DENND2A: variants seen among roughly 807,000 people sequenced by gnomAD.
The protein encoded by DENND2A is DENN domain containing 2A, also known as DENN domain-containing protein 2A.
Under a neutral mutation model 105.3 loss-of-function variants are expected in DENND2A, and 53 were observed. The ratio of observed to expected loss-of-function variants is 0.50; its 90% confidence interval spans 0.40 to 0.63. The LOEUF (loss-of-function observed/expected upper bound fraction) is 0.63, where lower values mean the gene tolerates loss of function less well. DENND2A is among the 30% of genes least tolerant of loss of function. The pLI, the probability that DENND2A is intolerant of heterozygous loss-of-function variation, is 0.00. For synonymous variants in DENND2A, 522 were observed against 508.4 expected, an observed-to-expected ratio of 1.03 and a Z score of -0.36; for missense variants, 1,138 against 1,279.6, an observed-to-expected ratio of 0.89 and a Z score of 1.69.
At position 140,632,125 on chromosome 7, in the gene DENND2A, T is replaced by C. The variant is rs552150629; in HGVS notation, c.-248+8379A>G. On this transcript the variant is annotated intron_variant, in intron 1 of 19. Transcript: ENST00000496613. ...CTTGGTCATCTGGGGAGGTTTAGCC[T>C]ATATTTACCAGGCACATGAAATGCC... is the stretch of plus-strand genomic sequence containing the variant. 4.6e-5 allele frequency among the ~76,000 whole-genome samples: 7 copies of C among 152,292 alleles called. No individual in the cohort carries two copies. The East Asian group carries it at 1.3e-3, about 29-fold the overall frequency.
intron 3 of DENND2A, among the ~76,000 whole-genome samples, chr7:140,590,144 C>T (rs1798952796): frequency 6.6e-6 from 1 of 152,134 alleles, no homozygotes; most frequent in Admixed American, 6.6e-5. Flanking sequence ...AATTCCAGCA[C>T]TTTGGGAGGC....
intron 14 of DENND2A, among the ~76,000 whole-genome samples, chr7:140,528,652 C>G (rs900024300): frequency 1.3e-5 from 2 of 151,472 alleles, no homozygotes; most frequent in Admixed American, 1.3e-4. Context: ...CCCAGCTACT[C>G]AGGAGGCTGA....
chr7:140,525,926 C>A, intron 15 of DENND2A, 134 bp from the exon 16 acceptor site: 1 of 616,532 alleles, frequency 1.6e-6, no homozygotes, highest in Non-Finnish European at 2.7e-6. Context: ...TTGTGGTTTC[C>A]TGACATTGCC....
intron 5 of DENND2A, among the ~76,000 whole-genome samples, chr7:140,579,444 G>C (rs1020561365): frequency 6.6e-5 from 10 of 151,162 alleles, no homozygotes; most frequent in African/African-American, 2.4e-4. Context: ...CCAGGCTGGA[G>C]TGCAATGGTG....
intron 5 of DENND2A, among the ~76,000 whole-genome samples, chr7:140,579,343 C>T (rs1039985424): frequency 1.1e-4 from 17 of 150,912 alleles, no homozygotes; most frequent in African/African-American, 3.2e-4. Flanking sequence ...TGGGAAAATA[C>T]GATCAATATA....
At chr7:140,558,753 C>T (rs1366354518) in intron 10 of DENND2A, among the ~76,000 whole-genome samples, 1 of 148,590 alleles carries the variant, frequency 6.7e-6, no homozygotes, top group Non-Finnish European at 1.5e-5. Context: ...TCGCTGTGGC[C>T]TGAGACAAAA....
intron 12 of DENND2A, among the ~76,000 whole-genome samples, chr7:140,551,434 G>A (rs1797136399): frequency 6.6e-6 from 1 of 151,834 alleles, no homozygotes; most frequent in African/African-American, 2.4e-5. Context: ...TTCGTGTTTT[G>A]TGTGCCCTTT....
chr7:140,574,155 A>T, intron 5 of DENND2A, 147 bp from the exon 6 acceptor site: 1 of 801,080 alleles, frequency 1.2e-6, no homozygotes, highest in Non-Finnish European at 2.0e-6. Context: ...TTATGCCAGT[A>T]AGTGTTCAAT....
chr7:140,570,172 G>A (rs1172357951), intron 6 of DENND2A, among the ~76,000 whole-genome samples: 1 of 152,154 alleles, frequency 6.6e-6, no homozygotes, highest in South Asian at 2.1e-4. Flanking sequence ...TGGGATTACA[G>A]GCGCGAGCCA....
At chr7:140,614,838 C>T (rs1235140337) in intron 1 of DENND2A, among the ~76,000 whole-genome samples, 2 of 151,892 alleles carry the variant, frequency 1.3e-5, no homozygotes, top group African/African-American at 4.8e-5. Flanking sequence ...AGTCTTGATG[C>T]TTCATTTTCC....
chr7:140,579,540 A>C (rs941269649), intron 5 of DENND2A, among the ~76,000 whole-genome samples: 2 of 151,686 alleles, frequency 1.3e-5, no homozygotes, highest in African/African-American at 4.8e-5. Flanking sequence ...TTACAGGCGC[A>C]CACCACTGCA....
At position 140,518,670 on chromosome 7, in the gene DENND2A, G is replaced by A; in HGVS notation, c.*37C>T. The A allele has an allele frequency of 6.2e-7, 1 of 1,605,286 alleles. No individual in the cohort carries two copies. The highest frequency in any genetic ancestry group is 8.5e-7 in the Non-Finnish European group (1 of 1,172,006). ...CCAGGAACTGTTTTTAAAGCATAGGGCTGCACTAGGAGGAAGTTTTCCCTT... is the reference window on the plus strand; with the variant it reads ...CCAGGAACTGTTTTTAAAGCATAGGACTGCACTAGGAGGAAGTTTTCCCTT... On this transcript the variant is annotated 3_prime_UTR_variant, in exon 20 of 20. Transcript: ENST00000496613.
intron 1 of DENND2A, among the ~76,000 whole-genome samples, chr7:140,615,915 G>A (rs1800068814): frequency 6.6e-6 from 1 of 151,908 alleles, no homozygotes; most frequent in Admixed American, 6.6e-5. Flanking sequence ...AACAAAAGTG[G>A]TCTACACATA....
At chr7:140,580,709 T>G (rs1798506951) in intron 5 of DENND2A, among the ~76,000 whole-genome samples, 1 of 152,036 alleles carries the variant, frequency 6.6e-6, no homozygotes, top group Admixed American at 6.6e-5. Context: ...CAATCTCAGC[T>G]CACTGAAACC....
At chr7:140,530,674 T>C (rs370110909) in intron 14 of DENND2A, among the ~76,000 whole-genome samples, 1 of 151,512 alleles carries the variant, frequency 6.6e-6, no homozygotes, top group Non-Finnish European at 1.5e-5. Flanking sequence ...TTAGGACTTA[T>C]ATTAAGGAGA....
rs573728634 is a variant in DENND2A at position 140,536,091 on chromosome 7, G to A, written c.2327+8527C>T. On this transcript the variant is annotated intron_variant, in intron 14 of 19. Coordinates refer to ENST00000496613, the MANE Select transcript of DENND2A (RefSeq NM_015689.5). ...GAGAAGGCCGGGCATGGTGGTTCACGCCTATAATCCCAACATTGTGGGAGG... is the reference window on the plus strand; with the variant it reads ...GAGAAGGCCGGGCATGGTGGTTCACACCTATAATCCCAACATTGTGGGAGG... Among the ~76,000 whole-genome samples the A allele has an allele frequency of 3.0e-4, 45 of 152,296 alleles. No individual in the cohort carries two copies. In the Middle Eastern group the frequency reaches 0.01, roughly 35 times the overall value.
At chr7:140,551,038 T>C (rs1797113239) in intron 12 of DENND2A, among the ~76,000 whole-genome samples, 1 of 151,462 alleles carries the variant, frequency 6.6e-6, no homozygotes, top group African/African-American at 2.4e-5. Flanking sequence ...CAGTGGCTCA[T>C]GCCTGTAATC....
chr7:140,577,003 G>T (rs969691110), intron 5 of DENND2A, among the ~76,000 whole-genome samples: 1 of 152,218 alleles, frequency 6.6e-6, no homozygotes, highest in Non-Finnish European at 1.5e-5. Context: ...ACCAGAGAAG[G>T]AATGGAAACA....
intron 14 of DENND2A, among the ~76,000 whole-genome samples, chr7:140,529,463 G>A (rs141646458): frequency 0.086 from 13,068 of 152,182 alleles, 1,867 homozygotes; most frequent in African/African-American, 0.3. Context: ...CCAAAGGATT[G>A]TAAATCATGC....
Sources: allele counts gnomAD v4.1 joint callset (sites outside exome capture counted in the v4.1 genomes callset), GRCh38; gene constraint gnomAD v4.1.1; transcripts MANE v1.5; gene names NCBI Gene and HGNC (gene_info 2026-07-23, HGNC 2026-07-21).